The following LRRFIP1 variants were observed in gnomAD, a reference collection of about 807,000 sequenced individuals.
LRRFIP1 encodes the protein leucine-rich repeat flightless-interacting protein 1.
LRRFIP1 carries 62 observed loss-of-function variants against 104.4 expected under a neutral mutation model. The ratio of observed to expected loss-of-function variants is 0.59; its 90% confidence interval spans 0.48 to 0.73. The LOEUF (loss-of-function observed/expected upper bound fraction) is 0.73. Ranked by LOEUF, LRRFIP1 falls within the 30% of genes least tolerant of loss-of-function variation. The pLI is 0.00. For missense variants in LRRFIP1, 796 were observed against 824.5 expected, an observed-to-expected ratio of 0.97 and a Z score of 0.42; for synonymous variants, 300 against 299.0, an observed-to-expected ratio of 1.00 and a Z score of -0.03.
chr2:237,730,566 G>A (rs6734027), intron 8 of LRRFIP1, among the ~76,000 whole-genome samples: 19,147 of 152,076 alleles, frequency 0.13, 2,758 homozygotes, highest in African/African-American at 0.36. Context: ...CAGATGAGTA[G>A]ATAGAATGGG....
intron 1 of LRRFIP1, among the ~76,000 whole-genome samples, chr2:237,632,961 A>G (rs1179527258): frequency 6.6e-6 from 1 of 152,080 alleles, no homozygotes; most frequent in Non-Finnish European, 1.5e-5. Context: ...TTCTCTATGA[A>G]TTTGCTTTTC....
chr2:237,713,596 T>TGATATGACATATG (rs1182427226), intron 2 of LRRFIP1, among the ~76,000 whole-genome samples: 1 of 152,234 alleles, frequency 6.6e-6, no homozygotes, highest in Admixed American at 6.5e-5. Flanking sequence ...TGGCAGTGCC[T>TGATATGACATATG]TCAATAATGC....
chr2:237,764,621 C>A, intron 19 of LRRFIP1: 1 of 989,942 alleles, frequency 1.0e-6, no homozygotes, highest in Non-Finnish European at 1.2e-6. Flanking sequence ...ACATTATAAC[C>A]TGTATGGTAT....
intron 1 of LRRFIP1, among the ~76,000 whole-genome samples, chr2:237,654,773 A>T (rs1261904350): frequency 6.6e-6 from 1 of 151,556 alleles, no homozygotes; most frequent in Non-Finnish European, 1.5e-5. Flanking sequence ...CTGGTTTCGA[A>T]CTCCTGACCT....
intron 6 of LRRFIP1, among the ~76,000 whole-genome samples, chr2:237,722,781 C>T (rs1575829335): frequency 6.6e-6 from 1 of 152,120 alleles, no homozygotes; most frequent in Non-Finnish European, 1.5e-5. Context: ...TGCGTGGGGT[C>T]ACAGTTCTTA....
chr2:237,705,459 C>T (rs930915972), intron 1 of LRRFIP1, among the ~76,000 whole-genome samples: 3 of 151,976 alleles, frequency 2.0e-5, no homozygotes, highest in East Asian at 3.9e-4. Flanking sequence ...CCCAGGAGTT[C>T]GAGACCAGCC....
intron 1 of LRRFIP1, among the ~76,000 whole-genome samples, chr2:237,683,064 C>G (rs1239429617): frequency 6.6e-6 from 1 of 152,230 alleles, no homozygotes; most frequent in Non-Finnish European, 1.5e-5. Context: ...GGCTAGCCAT[C>G]CTGCAATGCA....
Position 237,703,234 on chromosome 2 carries a change from C to T in LRRFIP1, c.97-5310C>T, listed in dbSNP as rs188520577. On this transcript the variant is annotated intron_variant, in intron 1 of 23. Coordinates refer to ENST00000308482, the MANE Select transcript of LRRFIP1 (RefSeq NM_001137550.2). The surrounding 1 kb of genome is among the most constrained non-coding windows in gnomAD (Gnocchi z 4.3). Reference sequence around the variant, plus strand: ...CTCCTGAGTTCTCTGAAGCCCTTTGCAGTTTTTGCTTTGTATCCTAAACTC... The same window carrying T: ...CTCCTGAGTTCTCTGAAGCCCTTTGTAGTTTTTGCTTTGTATCCTAAACTC... Among the ~76,000 whole-genome samples the T allele has an allele frequency of 1.3e-4, 20 of 152,280 alleles. 1 individual carries two copies. The East Asian group carries it at 3.7e-3, about 28-fold the overall frequency.
chr2:237,774,069 G>A (rs1417336543), intron 22 of LRRFIP1: 7 of 352,382 alleles, frequency 2.0e-5, no homozygotes, highest in South Asian at 1.3e-4. Flanking sequence ...ACAGCCCCAC[G>A]CAGCGGGAGA....
chr2:237,653,134 A>G (rs2086213325), intron 1 of LRRFIP1, among the ~76,000 whole-genome samples: 1 of 152,202 alleles, frequency 6.6e-6, no homozygotes, highest in Non-Finnish European at 1.5e-5. Context: ...TAGCCTGTGG[A>G]ACTGTGAATC....
In LRRFIP1 at chr2:237,735,095, G is replaced by A. The variant is rs1032740852; in HGVS notation, c.490-173G>A. ...ACCGGTCTCTCCTCATTTCCTTGTC[G>A]CACTCTGCAACCCTTTGAAGAGCTG... On this transcript the variant is annotated intron_variant, in intron 9 of 23. Transcript: ENST00000308482. The surrounding 1 kb of genome is among the most constrained non-coding windows in gnomAD (Gnocchi z 4.6). Among the ~76,000 whole-genome samples the A allele has an allele frequency of 3.3e-5, 5 of 152,038 alleles. No homozygotes were observed. Among genetic ancestry groups the A allele is most frequent in the Admixed American group, 6.5e-5 (1 of 15,276 alleles).
At position 237,708,806 on chromosome 2, in the gene LRRFIP1, C is replaced by T. The variant is rs759258300; in HGVS notation, c.183+176C>T. 123 of 754,158 alleles carry T rather than the reference C, an allele frequency of 1.6e-4. No individual in the cohort carries two copies. In the East Asian group the frequency reaches 1.7e-3, roughly 11 times the overall value. 46.7% of individuals were successfully genotyped at this position (754,158 alleles called of 1,614,324 possible). On this transcript the variant is annotated intron_variant, in intron 2 of 23. Coordinates refer to ENST00000308482, the MANE Select transcript of LRRFIP1 (RefSeq NM_001137550.2). ...GGTCAGGCCAGGAGTGCGCATAGCA[C>T]GGATACCAGGCGTGCCTGCTCAGAC...
At chr2:237,748,573 T>C (rs2058180907) in intron 12 of LRRFIP1, among the ~76,000 whole-genome samples, 174 bp downstream of exon 12, 1 of 152,034 alleles carries the variant, frequency 6.6e-6, no homozygotes, top group Non-Finnish European at 1.5e-5. Context: ...GGGAGTCCTG[T>C]CCGGTGTGCG....
intron 2 of LRRFIP1, among the ~76,000 whole-genome samples, chr2:237,713,796 T>A (rs1254621603): frequency 6.6e-6 from 1 of 152,264 alleles, no homozygotes; most frequent in Non-Finnish European, 1.5e-5. Context: ...TTAGCTGGAA[T>A]TTTCCTGTTA....
chr2:237,716,459 T>C (rs1434058924), intron 3 of LRRFIP1, among the ~76,000 whole-genome samples: 6 of 152,230 alleles, frequency 3.9e-5, no homozygotes, highest in Admixed American at 2.0e-4. Flanking sequence ...CCCTCCTAAT[T>C]TCTGCTCTTC....
chr2:237,771,236 A>G (rs899273518), intron 20 of LRRFIP1, among the ~76,000 whole-genome samples: 2 of 150,624 alleles, frequency 1.3e-5, no homozygotes, highest in Non-Finnish European at 3.0e-5. Flanking sequence ...TTCCAACTAT[A>G]CGGTCAGCCC....
rs556590973 is a variant in LRRFIP1, at chr2:237,755,762, G to A, written c.1039-333G>A. Among the ~76,000 whole-genome samples the A allele has an allele frequency of 2.6e-4, 39 of 152,170 alleles. No individual in the cohort carries two copies. In the South Asian group the frequency reaches 4.4e-3, roughly 17 times the overall value. On this transcript the variant is annotated intron_variant, in intron 15 of 23. Transcript: ENST00000308482. ...CAGTTTGGCCAACATGGTGAAACCC[G>A]ATCTCTACCAAAAATAGAAAAATTA...
intron 6 of LRRFIP1, 131 bp downstream of exon 6, chr2:237,720,953 G>A (rs1340886519): frequency 1.3e-6 from 1 of 766,980 alleles, no homozygotes; most frequent in Non-Finnish European, 2.3e-6. Context: ...CCGATGAGAT[G>A]CTTACTTAAA....
chr2:237,631,785 A>G (rs1408330862), intron 1 of LRRFIP1, among the ~76,000 whole-genome samples: 1 of 152,196 alleles, frequency 6.6e-6, no homozygotes, highest in East Asian at 1.9e-4. Flanking sequence ...TCCCAACAGG[A>G]ACAGTCATTT....
Sources: allele counts gnomAD v4.1 joint callset (sites outside exome capture counted in the v4.1 genomes callset), GRCh38; gene constraint gnomAD v4.1.1; non-coding constraint Gnocchi (gnomAD v3.1); transcripts MANE v1.5; gene names NCBI Gene and HGNC (gene_info 2026-07-23, HGNC 2026-07-21).